Variants in MAB21L4 observed in about 807,000 individuals in gnomAD.
The protein encoded by MAB21L4 is protein mab-21-like 4.
In MAB21L4, 25 loss-of-function variants were observed where a neutral mutation model predicts 32.4. The ratio of observed to expected loss-of-function variants is 0.77; its 90% CI spans 0.56 to 1.08. The LOEUF (loss-of-function observed/expected upper bound fraction) is 1.08, where lower values mean the gene tolerates loss of function less well. MAB21L4 is among the 50% of genes least tolerant of loss of function. MAB21L4 has a pLI of 0.00. For synonymous variants in MAB21L4, 280 were observed against 276.8 expected, an observed-to-expected ratio of 1.01 and a Z score of -0.11; for missense variants, 638 against 611.0, an observed-to-expected ratio of 1.04 and a Z score of -0.47.
chr2:240,887,464 C>T (rs879397344), intron 4 of MAB21L4, among the ~76,000 whole-genome samples: 1 of 152,276 alleles, frequency 6.6e-6, no homozygotes, highest in African/African-American at 2.4e-5. Flanking sequence ...ACCCTGCCCA[C>T]ACAGGTCTGC....
At chr2:240,893,475 G>C (rs1018199558) in intron 1 of MAB21L4, among the ~76,000 whole-genome samples, 3 of 152,224 alleles carry the variant, frequency 2.0e-5, no homozygotes, top group Non-Finnish European at 4.4e-5. Flanking sequence ...CTCATCTGCC[G>C]TGGGCCACGC....
At chr2:240,896,233 C>T, upstream of MAB21L4, 1 of 1,164,178 alleles carries the variant, frequency 8.6e-7, no homozygotes. Context: ...GGGAATGTCA[C>T]AGGGGCCATG....
chr2:240,888,214 G>T (rs1260241073), intron 4 of MAB21L4, 78 bp downstream of exon 4: 6 of 1,187,626 alleles, frequency 5.1e-6, no homozygotes, highest in African/African-American at 3.3e-5. Context: ...GAGAGAATGG[G>T]CAGGGAGCCA....
chr2:240,891,004 C>A (rs550013524), intron 2 of MAB21L4, among the ~76,000 whole-genome samples: 32 of 152,224 alleles, frequency 2.1e-4, no homozygotes, highest in Non-Finnish European at 4.3e-4. Flanking sequence ...ATCCTTCCAG[C>A]AAGTGAGGCG....
chr2:240,887,333 C>T (rs79710738), intron 4 of MAB21L4, among the ~76,000 whole-genome samples, 171 bp from the exon 5 acceptor site: 5,823 of 152,318 alleles, frequency 0.038, 383 homozygotes, highest in African/African-American at 0.13. Flanking sequence ...CGGCCCCAGC[C>T]TCTGCTGCTC....
intron 3 of MAB21L4, among the ~76,000 whole-genome samples, 196 bp from the exon 4 acceptor site, chr2:240,888,844 C>A (rs1313377755): frequency 6.6e-6 from 1 of 151,886 alleles, no homozygotes; most frequent in Admixed American, 6.6e-5. Flanking sequence ...TGCTGGCTCC[C>A]GAAGGCATGA....
rs2059114648 is a variant in MAB21L4 at position 240,888,393 on chromosome 2, G to T, written c.1150C>A (p.Pro384Thr). 4 of 1,558,982 alleles carry T rather than the reference G, an allele frequency of 2.6e-6. No individual in the cohort carries two copies. In the East Asian group the frequency reaches 9.6e-5, roughly 37 times the overall value. Residue 384 changes from proline to threonine, a missense_variant, in exon 4 of 5, where the codon CCC becomes ACC. Physicochemically the swap from Pro to Thr is conservative, Grantham distance 38 (BLOSUM62 -1). Transcript: ENST00000388934. ...RIHATHLGRS[P>T]PPRIGSGLKA... ...AGCCCGGAGCCGATGCGCGGCGGGG[G>T]GCTGCGGCCCAGGTGGGTGGCGTGG...
At chr2:240,887,201 C>A (rs758098992) in intron 4 of MAB21L4, 39 bp from the exon 5 acceptor site, 26 of 1,544,552 alleles carry the variant, frequency 1.7e-5, no homozygotes, top group Non-Finnish European at 2.3e-5. Flanking sequence ...TTACAGGGAC[C>A]CCTGGAGCCC....
chr2:240,888,370 C>T lies in MAB21L4; in HGVS notation c.1173G>A (p.Gly391=). 1 of 1,570,352 alleles carries T rather than the reference C, an allele frequency of 6.4e-7. No individual in the cohort carries two copies. Among genetic ancestry groups the T allele is most frequent in the Non-Finnish European group, 8.6e-7 (1 of 1,160,932 alleles). Residue 391 remains glycine, a synonymous_variant, in exon 4 of 5, where the codon GGG becomes GGA. Transcript: ENST00000388934. ...CTGGCAGCTGCAGGAGCGCCTTGAG[C>T]CCGGAGCCGATGCGCGGCGGGGGGC... ...GRSPPPRIGS[G]LKALLQLPAS... is the part of the protein sequence containing the mutation.
chr2:240,890,187 G>C, intron 2 of MAB21L4, 29 bp from the exon 3 acceptor site: 3 of 1,560,680 alleles, frequency 1.9e-6, no homozygotes, highest in South Asian at 2.3e-5. Context: ...CACTGGGTCA[G>C]CCCCCGCCGC....
rs761434448 is a variant in MAB21L4 at position 240,895,815 on chromosome 2, G to C, written c.183C>G (p.Tyr61Ter). 1 of 1,598,368 alleles carries C rather than the reference G, an allele frequency of 6.3e-7. No individual in the cohort carries two copies. The highest frequency in any genetic ancestry group is 1.3e-5 in the African/African-American group (1 of 74,626). ...ACTGGAAGGCCTCCAGGCCACGGGA[G>C]TAGTCCACGATGAAGCGGGGGTCCA... is the stretch of plus-strand genomic sequence containing the variant. ...HALDPRFIVDYSRGLEAFQFA... is the reference protein window; with the variant it reads ...HALDPRFIVD The change falls in exon 1 of 5, where the codon TAC becomes TAG. Residue 61 changes from tyrosine to a stop codon, truncating the protein, a stop_gained. Transcript: ENST00000388934. LOFTEE classifies it high-confidence loss of function.
intron 4 of MAB21L4, 145 bp from the exon 5 acceptor site, chr2:240,887,307 C>G (rs2059104087): frequency 1.5e-6 from 1 of 664,364 alleles, no homozygotes; most frequent in African/African-American, 1.8e-5. Flanking sequence ...CCTGGACAGG[C>G]ATCCTAGAGG....
intron 4 of MAB21L4, among the ~76,000 whole-genome samples, chr2:240,887,625 G>A (rs910447344): frequency 2.6e-5 from 4 of 152,256 alleles, no homozygotes; most frequent in African/African-American, 7.2e-5. Flanking sequence ...CCCAGCAGAG[G>A]GTGGCTACCC....
intron 4 of MAB21L4, 107 bp from the exon 5 acceptor site, chr2:240,887,269 T>A: frequency 1.1e-6 from 1 of 897,696 alleles, no homozygotes; most frequent in Non-Finnish European, 1.8e-6. Context: ...CCCTGGGCCA[T>A]GCCGGGCCTT....
Position 240,891,657 on chromosome 2 carries a change from C to T in MAB21L4, c.621G>A (p.Arg207=). The T allele has an allele frequency of 5.0e-6, 8 of 1,609,300 alleles. No individual in the cohort carries two copies. The highest frequency in any genetic ancestry group is 6.8e-6 in the Non-Finnish European group (8 of 1,179,974). Residue 207 remains arginine, a synonymous_variant, in exon 2 of 5, where the codon AGG becomes AGA. Transcript: ENST00000388934. ...ISFHVVPVVR[R]KLGAPALEGV... ...CCTCCAGGGCAGGCGCCCCAAGCTT[C>T]CTTCTCACCACGGGCACCACGTGGA...
chr2:240,895,597 T>G lies in MAB21L4; in HGVS notation c.401A>C (p.Glu134Ala). 1 of 1,612,660 alleles carries G rather than the reference T, an allele frequency of 6.2e-7. No individual in the cohort carries two copies. The highest frequency in any genetic ancestry group is 8.5e-7 in the Non-Finnish European group (1 of 1,179,920). The stretch of plus-strand genomic sequence containing the variant: ...GTGTCCACGGCACTTGGCGTCACCC[T>G]CCGAGGAGGCAGTGAAGGTATCCTC... ...TTEDTFTASSEGDAKCRGHIV... is the reference protein window; with the variant it reads ...TTEDTFTASSAGDAKCRGHIV... The change falls in exon 1 of 5, where the codon GAG (glutamate) becomes GCG (alanine). Residue 134 changes from glutamate (E) to alanine (A), a missense_variant. Glu to Ala is a moderately radical substitution (Grantham distance 107, BLOSUM62 -1). Coordinates refer to ENST00000388934, the MANE Select transcript of MAB21L4 (RefSeq NM_001085437.3).
Position 240,890,010 on chromosome 2 carries a change from G to A in MAB21L4, c.889C>T (p.Leu297=). The A allele has an allele frequency of 6.2e-7, 1 of 1,608,832 alleles. No homozygotes were observed. Among genetic ancestry groups the A allele is most frequent in the Non-Finnish European group, 8.5e-7 (1 of 1,176,286 alleles). ...CCGAGTCCCGCCCTGGGTACCTTCA[G>A]GTGGCCAAAGGTCAGGCCGTCAGTC... is the stretch of plus-strand genomic sequence containing the variant. ...GQTDGLTFGH[L]KMVLLWASVL... Residue 297 remains leucine, a synonymous_variant, in exon 3 of 5, where the codon CTG becomes TTG. Coordinates refer to ENST00000388934, the MANE Select transcript of MAB21L4 (RefSeq NM_001085437.3).
At chr2:240,894,301 G>A (rs563985299) in intron 1 of MAB21L4, among the ~76,000 whole-genome samples, 6 of 152,286 alleles carry the variant, frequency 3.9e-5, no homozygotes, top group East Asian at 1.9e-4. Context: ...TGTGAGGACT[G>A]TGGTGACTCA....
rs202161469 is a variant in MAB21L4 at position 240,895,903 on chromosome 2, C to T, written c.95G>A (p.Arg32His). The T allele has an allele frequency of 4.7e-5, 72 of 1,524,770 alleles. No homozygotes were observed. In the South Asian group the frequency reaches 6.4e-4, roughly 13 times the overall value. The allele number at this position is 1,524,770 out of a possible 1,614,324, so 94.5% of individuals were successfully genotyped here. A position where few individuals can be genotyped will look rare whatever the true frequency, so the allele number is the denominator to read the frequency against. The stretch of plus-strand genomic sequence containing the variant: ...CTCTGCGCGCTGGAAGTCCTGGGCA[C>T]GCGGCGCCTCCCGGGACCGGATGGC... ...LQAIRSREAP[R>H]AQDFQRAENV... Residue 32 changes from arginine to histidine, a missense_variant, in exon 1 of 5, where the codon CGT becomes CAT. Transcript: ENST00000388934.
Sources: gnomAD v4.1 joint callset for allele counts (sites outside exome capture counted in the v4.1 genomes callset) on GRCh38, gnomAD v4.1.1 for gene constraint, MANE v1.5 for transcripts, NCBI Gene and HGNC (gene_info 2026-07-23, HGNC 2026-07-21) for gene names.